Variants in ZNF385D observed in about 807,000 individuals in gnomAD.
ZNF385D encodes the protein zinc finger protein 659.
A neutral mutation model predicts 35.8 loss-of-function variants in ZNF385D; 15 were observed. The ratio of observed to expected loss-of-function variants is 0.42; its 90% CI spans 0.28 to 0.64. The LOEUF (loss-of-function observed/expected upper bound fraction) is 0.64, where lower values mean the gene tolerates loss of function less well. Ranked by LOEUF, ZNF385D falls within the 30% of genes least tolerant of loss-of-function variation. The probability of loss-of-function intolerance (pLI) is 0.23; values close to 1 mark genes in which losing one functional copy is unlikely to be tolerated. For missense variants in ZNF385D, 474 were observed against 494.6 expected (o/e 0.96, Z 0.39); for synonymous variants, 212 against 186.8 (o/e 1.13, Z -1.10).
At position 21,966,520 on chromosome 3, in the gene ZNF385D, G is replaced by A. The variant is rs116802045; in HGVS notation, c.325+202297C>T. Among the ~76,000 whole-genome samples the A allele has an allele frequency of 2.3e-3, 346 of 152,220 alleles. 3 individuals carry two copies. The highest frequency in any genetic ancestry group is 7.9e-3 in the African/African-American group (327 of 41,540). On this transcript the variant is annotated intron_variant, in intron 3 of 5. Coordinates refer to the ZNF385D transcript ENST00000494108. ...AAATTGTTCACTGTATTCATTTCCT[G>A]ATTAATTGTGTCCCTATAAACCTAT... is the stretch of plus-strand genomic sequence containing the variant.
chr3:21,821,699 G>A (rs113258050), intron 3 of ZNF385D, among the ~76,000 whole-genome samples: 3,225 of 152,134 alleles, frequency 0.021, 85 homozygotes, highest in East Asian at 0.11. Flanking sequence ...GTGGTGGCTC[G>A]CGCCTGTAAT....
At chr3:22,229,935 G>T (rs76854854) in intron 2 of ZNF385D, among the ~76,000 whole-genome samples, 1 of 152,082 alleles carries the variant, frequency 6.6e-6, no homozygotes, top group Non-Finnish European at 1.5e-5. Context: ...CATTTGTAGC[G>T]CATAATCCAC....
intron 2 of ZNF385D, among the ~76,000 whole-genome samples, chr3:22,345,410 C>G (rs1351405534): frequency 1.3e-5 from 2 of 152,116 alleles, no homozygotes; most frequent in South Asian, 4.1e-4. Context: ...AAGTAAAATC[C>G]TGATTTCTAA....
At chr3:22,234,971 A>G (rs1699095892) in intron 2 of ZNF385D, among the ~76,000 whole-genome samples, 1 of 152,098 alleles carries the variant, frequency 6.6e-6, no homozygotes, top group Non-Finnish European at 1.5e-5. Flanking sequence ...ACCAAATAAG[A>G]AAATTTAAGT....
chr3:22,265,023 A>G (rs1700825852), intron 2 of ZNF385D, among the ~76,000 whole-genome samples: 2 of 151,822 alleles, frequency 1.3e-5, no homozygotes, highest in South Asian at 4.1e-4. Flanking sequence ...ACTTTTTTTC[A>G]TGCAACATAT....
rs2067197235 is a variant in ZNF385D, at chr3:21,689,038, T to C, written c.23-24010A>G. 2.6e-5 allele frequency among the ~76,000 whole-genome samples: 4 copies of C among 151,238 alleles called. No individual in the cohort carries two copies. The South Asian group carries it at 8.3e-4, about 31-fold the overall frequency. On this transcript the variant is annotated intron_variant, in intron 1 of 7. Transcript: ENST00000281523. ...ACCTGAATATACAAATCTTACATAATTCTTATGGCTGAGACTTGCAATCTG... is the reference window on the plus strand; with the variant it reads ...ACCTGAATATACAAATCTTACATAACTCTTATGGCTGAGACTTGCAATCTG...
intron 2 of ZNF385D, among the ~76,000 whole-genome samples, chr3:22,328,658 G>C (rs1398358503): frequency 6.6e-6 from 1 of 151,764 alleles, no homozygotes; most frequent in Non-Finnish European, 1.5e-5. Context: ...AGCTACTCAG[G>C]AGACTGAGGC....
intron 3 of ZNF385D, among the ~76,000 whole-genome samples, chr3:21,914,485 A>T (rs1700106780): frequency 6.6e-6 from 1 of 151,762 alleles, no homozygotes; most frequent in African/African-American, 2.4e-5. Context: ...CTACCAAAAG[A>T]TCATATCAAT....
intron 4 of ZNF385D, among the ~76,000 whole-genome samples, chr3:21,494,699 C>G (rs1243731835): frequency 1.3e-5 from 2 of 152,064 alleles, no homozygotes; most frequent in Non-Finnish European, 2.9e-5. Context: ...CTTTACAAGC[C>G]TCTAGCACAA....
chr3:21,888,031 G>C (rs1017641724), intron 3 of ZNF385D, among the ~76,000 whole-genome samples: 16 of 152,136 alleles, frequency 1.1e-4, no homozygotes, highest in African/African-American at 3.4e-4. Context: ...AAATGATTAA[G>C]AATCTGTTTA....
At chr3:21,643,311 G>A (rs574750838) in intron 2 of ZNF385D, among the ~76,000 whole-genome samples, 16 of 152,046 alleles carry the variant, frequency 1.1e-4, no homozygotes, top group Non-Finnish European at 1.6e-4. Context: ...AAGGTAAAAA[G>A]CTAGCATTGG....
intron 2 of ZNF385D, among the ~76,000 whole-genome samples, chr3:21,597,526 G>A (rs192014009): frequency 6.6e-6 from 1 of 152,056 alleles, no homozygotes; most frequent in African/African-American, 2.4e-5. Flanking sequence ...TTTTTGACTG[G>A]TGGAAAGAAG....
At chr3:22,079,629 G>C (rs1005908633) in intron 3 of ZNF385D, among the ~76,000 whole-genome samples, 2 of 151,838 alleles carry the variant, frequency 1.3e-5, no homozygotes, top group Non-Finnish European at 2.9e-5. Context: ...TATATAACAG[G>C]GAGATACTGC....
chr3:22,123,029 G>A (rs1253562563), intron 3 of ZNF385D, among the ~76,000 whole-genome samples: 1 of 152,114 alleles, frequency 6.6e-6, no homozygotes, highest in Non-Finnish European at 1.5e-5. Flanking sequence ...TGTCATGGAG[G>A]ACAACCATGA....
intron 3 of ZNF385D, among the ~76,000 whole-genome samples, chr3:21,558,112 T>A (rs1293850301): frequency 5.6e-5 from 2 of 36,030 alleles, no homozygotes; most frequent in Admixed American, 2.8e-4. Context: ...GATTCATTGA[T>A]TTTTTTTTTT....
At chr3:22,222,894 T>C (rs576483201) in intron 2 of ZNF385D, among the ~76,000 whole-genome samples, 2 of 152,282 alleles carry the variant, frequency 1.3e-5, no homozygotes, top group South Asian at 4.1e-4. Context: ...AAGGCCTTTT[T>C]TGCTGTTAGT....
intron 3 of ZNF385D, among the ~76,000 whole-genome samples, chr3:22,125,690 A>T (rs1209481281): frequency 1.3e-5 from 2 of 152,094 alleles, no homozygotes; most frequent in Non-Finnish European, 2.9e-5. Context: ...AGCCATTATA[A>T]ATGAAATTAT....
At chr3:21,548,920 C>CTA (rs1288222089) in intron 3 of ZNF385D, among the ~76,000 whole-genome samples, 1 of 152,116 alleles carries the variant, frequency 6.6e-6, no homozygotes, top group Non-Finnish European at 1.5e-5. Flanking sequence ...GTTTCTCAAC[C>CTA]TATACAATGT....
At chr3:22,092,124 C>T (rs1824971) in intron 3 of ZNF385D, among the ~76,000 whole-genome samples, 75,720 of 151,998 alleles carry the variant, frequency 0.5, 19,338 homozygotes, top group Non-Finnish European at 0.55. Flanking sequence ...CAAAGGCATG[C>T]ACTGTCCTAG....
Sources: allele counts gnomAD v4.1 joint callset (sites outside exome capture counted in the v4.1 genomes callset), GRCh38; gene constraint gnomAD v4.1.1; transcripts MANE v1.5; gene names NCBI Gene and HGNC (gene_info 2026-07-23, HGNC 2026-07-21).